Variants in CLIP1 observed in about 807,000 individuals in gnomAD.
CLIP1 encodes CAP-Gly domain containing linker protein 1.
CLIP1 carries 66 observed loss-of-function variants against 161.6 expected under a neutral mutation model. That is an observed-to-expected ratio of 0.41 (90% CI 0.33 to 0.50). The LOEUF (loss-of-function observed/expected upper bound fraction) is 0.50. Ranked by LOEUF, CLIP1 falls within the 20% of genes least tolerant of loss-of-function variation. The pLI, the probability that CLIP1 is intolerant of heterozygous loss-of-function variation, is 0.27. For missense variants in CLIP1, 1,376 were observed against 1,702.0 expected, an observed-to-expected ratio of 0.81 and a Z score of 3.37; for synonymous variants, 598 against 626.2, an observed-to-expected ratio of 0.96 and a Z score of 0.67.
intron 14 of CLIP1, among the ~76,000 whole-genome samples, chr12:122,333,647 C>T (rs1000095566): frequency 2.0e-5 from 3 of 152,236 alleles, no homozygotes; most frequent in African/African-American, 4.8e-5. Flanking sequence ...AGGAGAGGAG[C>T]GACATGATCT....
chr12:122,372,428 A>G (rs965563438), intron 3 of CLIP1, among the ~76,000 whole-genome samples: 1 of 151,708 alleles, frequency 6.6e-6, no homozygotes, highest in Non-Finnish European at 1.5e-5. Context: ...GAAAAAAAAA[A>G]AAAATTAGTC....
chr12:122,356,676 C>T lies in CLIP1; in HGVS notation c.1006-1364G>A, dbSNP rs563464392. 3.3e-3 allele frequency among the ~76,000 whole-genome samples: 508 copies of T among 152,272 alleles called. 2 individuals carry two copies. Among genetic ancestry groups the T allele is most frequent in the Non-Finnish European group, 5.8e-3 (393 of 68,012 alleles). ...CTCTCCCTCTCTTTCCATGGTCTCC[C>T]TCTGATGCCGAGCCGAAGCTGGACT... On this transcript the variant is annotated intron_variant, in intron 5 of 25. Coordinates refer to ENST00000620786, the MANE Select transcript of CLIP1 (RefSeq NM_001247997.2).
chr12:122,347,488 A>G lies in CLIP1; in HGVS notation c.1402-9T>C, dbSNP rs1440501462. 1.4e-5 allele frequency: 23 copies of G among 1,605,646 alleles called. No homozygotes were observed. Among genetic ancestry groups the G allele is most frequent in the Non-Finnish European group, 1.6e-5 (19 of 1,172,908 alleles). ...TCCAGTTTGGTCTGCGTCTGTTAGT[A>G]AAAAGGAAGAGGAAGAGAACACAAC... On this transcript the variant is annotated splice_polypyrimidine_tract_variant and intron_variant, in intron 9 of 25. Transcript: ENST00000620786.
chr12:122,376,055 A>C (rs1052764800), intron 3 of CLIP1, among the ~76,000 whole-genome samples: 5 of 151,702 alleles, frequency 3.3e-5, no homozygotes, highest in Non-Finnish European at 4.4e-5. Context: ...TCTCCTGCCT[A>C]AACCTCCAAG....
chr12:122,273,526 C>T lies in CLIP1; in HGVS notation c.4092-426G>A, dbSNP rs370497286. On this transcript the variant is annotated intron_variant, in intron 25 of 25. Transcript: ENST00000620786. The stretch of plus-strand genomic sequence containing the variant: ...TCGGCCTCCCAAAGTGCTGGGATTA[C>T]AGTCGTGGCCACCACGCCAGCCTCA... 3.2e-4 allele frequency among the ~76,000 whole-genome samples: 49 copies of T among 150,998 alleles called. No homozygotes were observed. The East Asian group carries it at 9.0e-3, about 28-fold the overall frequency.
At chr12:122,300,823 T>C (rs1431335003) in intron 20 of CLIP1, among the ~76,000 whole-genome samples, 1 of 152,222 alleles carries the variant, frequency 6.6e-6, no homozygotes, top group Non-Finnish European at 1.5e-5. Context: ...TTTTTTTCCT[T>C]TTTCTTTTTA....
chr12:122,362,015 G>A (rs534941800), intron 4 of CLIP1, among the ~76,000 whole-genome samples: 13 of 151,470 alleles, frequency 8.6e-5, no homozygotes, highest in South Asian at 2.1e-4. Context: ...GTGCAGCGGC[G>A]CAATCTCAGC....
chr12:122,299,569 T>TA (rs1950598307), intron 20 of CLIP1, among the ~76,000 whole-genome samples: 1 of 139,114 alleles, frequency 7.2e-6, no homozygotes, highest in African/African-American at 2.7e-5. Context: ...TTATTGTTGT[T>TA]AAAATGATAC....
intron 9 of CLIP1, among the ~76,000 whole-genome samples, chr12:122,350,844 A>G (rs1006863193): frequency 6.6e-6 from 1 of 151,750 alleles, no homozygotes; most frequent in African/African-American, 2.4e-5. Context: ...GACAAAAAAC[A>G]TTTTTCCCCC....
At chr12:122,408,972 C>T (rs12229345) in intron 1 of CLIP1, among the ~76,000 whole-genome samples, 15,047 of 152,088 alleles carry the variant, frequency 0.099, 1,250 homozygotes, top group East Asian at 0.45. Flanking sequence ...CAACCATGCC[C>T]GGCTAATCTT....
At chr12:122,396,105 C>CA (rs201112736) in intron 1 of CLIP1, 16,877 of 115,258 alleles carry the variant, frequency 0.15, 1,443 homozygotes, top group East Asian at 0.52. Context: ...GACTCCATCT[C>CA]AAAAAAAAAA....
intron 17 of CLIP1, among the ~76,000 whole-genome samples, chr12:122,325,323 G>C (rs1451948708): frequency 6.6e-6 from 1 of 152,144 alleles, no homozygotes; most frequent in Non-Finnish European, 1.5e-5. Context: ...CTCCCGAAGT[G>C]CTGGGATTAC....
Position 122,355,401 on chromosome 12 carries a change from G to C in CLIP1, c.1006-89C>G. 1 of 1,196,818 alleles carries C rather than the reference G, an allele frequency of 8.4e-7. No individual in the cohort carries two copies. The highest frequency in any genetic ancestry group is 1.2e-6 in the Non-Finnish European group (1 of 830,782). The allele number at this position is 1,196,818 out of a possible 1,614,324, so 74.1% of individuals were successfully genotyped here. ...TGCATGCATGGCGGGCATCTGCTCG[G>C]CAAAGCAAGGGCGCTGCTCCAGCTG... On this transcript the variant is annotated intron_variant, in intron 5 of 25. Coordinates refer to ENST00000620786, the MANE Select transcript of CLIP1 (RefSeq NM_001247997.2). This position sits in a 1 kb window ranked among gnomAD's most constrained non-coding sequence, Gnocchi z 4.1.
intron 19 of CLIP1, among the ~76,000 whole-genome samples, chr12:122,315,716 C>T (rs1328727825): frequency 6.6e-6 from 1 of 151,516 alleles, no homozygotes; most frequent in Non-Finnish European, 1.5e-5. Context: ...TCTCGGCTCA[C>T]TGCAAACTCC....
chr12:122,340,359 G>A (rs543918548), intron 11 of CLIP1, among the ~76,000 whole-genome samples: 10 of 152,284 alleles, frequency 6.6e-5, no homozygotes, highest in East Asian at 1.9e-4. Flanking sequence ...GATTACAGGC[G>A]TGAGCCACTG....
intron 21 of CLIP1, among the ~76,000 whole-genome samples, chr12:122,286,412 G>A (rs777772655): frequency 1.3e-5 from 2 of 150,920 alleles, no homozygotes; most frequent in Non-Finnish European, 2.9e-5. Context: ...AGTTACTTGG[G>A]AGGCTGAGGC....
chr12:122,412,281 C>T (rs891717536), intron 1 of CLIP1, among the ~76,000 whole-genome samples: 10 of 150,502 alleles, frequency 6.6e-5, no homozygotes, highest in Non-Finnish European at 1.0e-4. Flanking sequence ...CCTGAGCTCA[C>T]GGGATCCATC....
intron 20 of CLIP1, among the ~76,000 whole-genome samples, chr12:122,304,690 G>C (rs1015993446): frequency 6.6e-6 from 1 of 152,210 alleles, no homozygotes; most frequent in Non-Finnish European, 1.5e-5. Flanking sequence ...TTTATAGCAT[G>C]AAGTTGACTG....
chr12:122,385,464 C>T (rs1202817867), intron 1 of CLIP1, among the ~76,000 whole-genome samples: 1 of 152,138 alleles, frequency 6.6e-6, no homozygotes, highest in Non-Finnish European at 1.5e-5. Flanking sequence ...GATATTAATG[C>T]TGCCATTTTG....
Sources: allele counts gnomAD v4.1 joint callset (sites outside exome capture counted in the v4.1 genomes callset), GRCh38; gene constraint gnomAD v4.1.1; non-coding constraint Gnocchi (gnomAD v3.1); transcripts MANE v1.5; gene names NCBI Gene and HGNC (gene_info 2026-07-23, HGNC 2026-07-21).